CTNNA3: variants seen among roughly 807,000 people sequenced by gnomAD.
The protein encoded by CTNNA3 is catenin alpha-3.
In CTNNA3, 76 loss-of-function variants were observed where a neutral mutation model predicts 95.7. The observed-to-expected ratio is 0.79, with a 90% confidence interval of 0.66 to 0.96. CTNNA3 has a LOEUF of 0.96. CTNNA3 is among the 40% of genes least tolerant of loss of function. The probability of loss-of-function intolerance (pLI) is 0.00; values close to 1 mark genes in which losing one functional copy is unlikely to be tolerated. For synonymous variants in CTNNA3, 431 were observed against 374.4 expected, an observed-to-expected ratio of 1.15 and a Z score of -1.74; for missense variants, 1,191 against 1,089.8, an observed-to-expected ratio of 1.09 and a Z score of -1.31.
At chr10:67,000,812 G>A (rs1188675844) in intron 7 of CTNNA3, among the ~76,000 whole-genome samples, 6 of 152,138 alleles carry the variant, frequency 3.9e-5, no homozygotes, top group Non-Finnish European at 7.3e-5. Flanking sequence ...AAGAATGCCA[G>A]TGCAATTCTG....
intron 12 of CTNNA3, among the ~76,000 whole-genome samples, chr10:66,336,087 G>A (rs1423617643): frequency 1.3e-5 from 2 of 152,118 alleles, no homozygotes; most frequent in Non-Finnish European, 2.9e-5. Flanking sequence ...GAAAAGCGCA[G>A]TATTAGGGTG....
intron 13 of CTNNA3, among the ~76,000 whole-genome samples, chr10:66,259,661 A>G (rs1183009442): frequency 6.6e-6 from 1 of 152,166 alleles, no homozygotes; most frequent in Non-Finnish European, 1.5e-5. Context: ...AGAGGATTTG[A>G]GGTTTCCTCT....
At chr10:66,553,311 T>G (rs1161235973) in intron 10 of CTNNA3, among the ~76,000 whole-genome samples, 1 of 151,672 alleles carries the variant, frequency 6.6e-6, no homozygotes, top group African/African-American at 2.4e-5. Context: ...ATTTAACATG[T>G]TGGCATACAC....
At chr10:67,355,501 A>G (rs1019052791) in intron 5 of CTNNA3, among the ~76,000 whole-genome samples, 8 of 152,006 alleles carry the variant, frequency 5.3e-5, no homozygotes, top group African/African-American at 1.7e-4. Flanking sequence ...ATAATTGATG[A>G]TTGATAATAA....
At chr10:66,914,823 C>T (rs1476123728) in intron 7 of CTNNA3, among the ~76,000 whole-genome samples, 1 of 152,144 alleles carries the variant, frequency 6.6e-6, no homozygotes. Context: ...AAAGAATGCA[C>T]ATGAATGTTT....
At chr10:66,832,255 A>G (rs1046616799) in intron 7 of CTNNA3, among the ~76,000 whole-genome samples, 3 of 152,214 alleles carry the variant, frequency 2.0e-5, no homozygotes, top group Non-Finnish European at 4.4e-5. Flanking sequence ...GACCCTGTAT[A>G]TATCTATAAG....
intron 7 of CTNNA3, among the ~76,000 whole-genome samples, chr10:67,085,275 C>A (rs999199872): frequency 1.5e-4 from 22 of 151,090 alleles, no homozygotes; most frequent in African/African-American, 5.1e-4. Context: ...TAATAGTAAT[C>A]AAAAATATGA....
chr10:66,195,812 T>C (rs1336336208), intron 13 of CTNNA3, among the ~76,000 whole-genome samples: 1 of 152,188 alleles, frequency 6.6e-6, no homozygotes, highest in Non-Finnish European at 1.5e-5. Flanking sequence ...GAGGAACATA[T>C]ATACAGAATG....
At chr10:66,280,356 A>C in intron 13 of CTNNA3, 114 bp downstream of exon 13, 1 of 912,842 alleles carries the variant, frequency 1.1e-6, no homozygotes, top group Non-Finnish European at 1.7e-6. Context: ...AAGTTTTAAT[A>C]GATTTCAGCA....
At chr10:65,978,869 C>A (rs189772552) in intron 16 of CTNNA3, among the ~76,000 whole-genome samples, 1 of 152,108 alleles carries the variant, frequency 6.6e-6, no homozygotes, top group Non-Finnish European at 1.5e-5. Context: ...ATGACAGCTG[C>A]TGTTTAGCAA....
chr10:67,691,768 T>G (rs1380469007), intron 1 of CTNNA3, among the ~76,000 whole-genome samples: 20 of 127,960 alleles, frequency 1.6e-4, no homozygotes, highest in South Asian at 2.6e-4. Flanking sequence ...GGTGGGGGGG[T>G]CAGCCCCCCG....
chr10:66,513,632 A>T (rs1251538242), intron 11 of CTNNA3, among the ~76,000 whole-genome samples: 1 of 152,170 alleles, frequency 6.6e-6, no homozygotes, highest in Non-Finnish European at 1.5e-5. Flanking sequence ...GGCAGTCCTT[A>T]AGCCCTAAGT....
intron 9 of CTNNA3, among the ~76,000 whole-genome samples, chr10:66,633,363 G>A (rs1480939282): frequency 6.6e-6 from 1 of 152,134 alleles, no homozygotes. Flanking sequence ...CTGCAGAATG[G>A]AAAACATGAT....
intron 9 of CTNNA3, among the ~76,000 whole-genome samples, chr10:66,637,739 C>T (rs892609726): frequency 6.6e-6 from 1 of 152,274 alleles, no homozygotes; most frequent in South Asian, 2.1e-4. Flanking sequence ...GAGTACAAAG[C>T]GTCCTGGATG....
chr10:67,197,946 G>A (rs1325951094), intron 6 of CTNNA3, among the ~76,000 whole-genome samples: 1 of 152,078 alleles, frequency 6.6e-6, no homozygotes, highest in Non-Finnish European at 1.5e-5. Flanking sequence ...CAAAGAAACT[G>A]TATTGACTCT....
At chr10:67,190,332 G>A (rs1390376168) in intron 6 of CTNNA3, among the ~76,000 whole-genome samples, 2 of 151,820 alleles carry the variant, frequency 1.3e-5, no homozygotes, top group Non-Finnish European at 2.9e-5. Flanking sequence ...TTTAAAACGA[G>A]CACACAACAA....
At chr10:67,446,533 T>C (rs1162173799) in intron 5 of CTNNA3, among the ~76,000 whole-genome samples, 3 of 152,234 alleles carry the variant, frequency 2.0e-5, no homozygotes, top group Admixed American at 6.5e-5. Flanking sequence ...TTTAAAAGGC[T>C]TAATTTTCCC....
At chr10:66,238,737 G>A (rs968804225) in intron 13 of CTNNA3, among the ~76,000 whole-genome samples, 1 of 151,636 alleles carries the variant, frequency 6.6e-6, no homozygotes, top group Non-Finnish European at 1.5e-5. Flanking sequence ...ACTTGAAATA[G>A]TTATCTCTGG....
At chr10:66,745,504 T>C (rs1244582305) in intron 9 of CTNNA3, among the ~76,000 whole-genome samples, 1 of 152,132 alleles carries the variant, frequency 6.6e-6, no homozygotes, top group African/African-American at 2.4e-5. Flanking sequence ...AGTGTCTGCA[T>C]TTATTAAATC....
Sources: gnomAD v4.1 joint callset for allele counts (sites outside exome capture counted in the v4.1 genomes callset) on GRCh38, gnomAD v4.1.1 for gene constraint, MANE v1.5 for transcripts, NCBI Gene and HGNC (gene_info 2026-07-23, HGNC 2026-07-21) for gene names.